The following SHQ1 variants were observed in gnomAD, a reference collection of about 807,000 sequenced individuals.
SHQ1 encodes SHQ1, H/ACA ribonucleoprotein assembly factor.
A neutral mutation model predicts 53.8 loss-of-function variants in SHQ1; 49 were observed. The observed-to-expected ratio is 0.91, with a 90% CI of 0.72 to 1.16. The LOEUF is 1.16. Ranked by LOEUF, SHQ1 falls within the 50% of genes most tolerant of loss-of-function variation. The probability of loss-of-function intolerance (pLI) is 0.00; values close to 1 mark genes in which losing one functional copy is unlikely to be tolerated. For missense variants in SHQ1, 738 were observed against 683.1 expected (o/e 1.08, Z -0.90); for synonymous variants, 243 against 251.0 (o/e 0.97, Z 0.30).
chr3:72,842,518 C>A, intron 2 of SHQ1, 116 bp from the exon 3 acceptor site: 1 of 905,648 alleles, frequency 1.1e-6, no homozygotes, highest in Non-Finnish European at 1.6e-6. Flanking sequence ...CATTTTAGCC[C>A]AGGAGTTCAA....
chr3:72,833,715 C>A (rs934092618), intron 4 of SHQ1, among the ~76,000 whole-genome samples: 2 of 152,202 alleles, frequency 1.3e-5, no homozygotes, highest in African/African-American at 4.8e-5. Context: ...CAAGCCAAAT[C>A]CTACAGAATA....
At chr3:72,846,315 T>A (rs1575745904) in intron 1 of SHQ1, 14 of 1,378,262 alleles carry the variant, frequency 1.0e-5, no homozygotes, top group African/African-American at 5.8e-5. Flanking sequence ...TTTTTTTTTT[T>A]AGACAGTCTC....
At chr3:72,802,304 C>A (rs1329079233) in intron 9 of SHQ1, among the ~76,000 whole-genome samples, 1 of 152,158 alleles carries the variant, frequency 6.6e-6, no homozygotes, top group Non-Finnish European at 1.5e-5. Context: ...TGGGTCTAGG[C>A]AAGAATAGGT....
chr3:72,813,621 C>T (rs1327544178), intron 8 of SHQ1, among the ~76,000 whole-genome samples: 6 of 151,552 alleles, frequency 4.0e-5, no homozygotes, highest in African/African-American at 1.5e-4. Flanking sequence ...ATTAGCCGGG[C>T]GTGGTGGCAG....
chr3:72,829,364 AAT>A (rs1475151442), intron 5 of SHQ1, among the ~76,000 whole-genome samples: 1 of 152,234 alleles, frequency 6.6e-6, no homozygotes, highest in Non-Finnish European at 1.5e-5. Context: ...TTACAATAAA[AAT>A]AGTGTCTACT....
intron 10 of SHQ1, among the ~76,000 whole-genome samples, chr3:72,767,170 TA>T (rs1303262685): frequency 6.6e-6 from 1 of 152,218 alleles, no homozygotes; most frequent in Non-Finnish European, 1.5e-5. Flanking sequence ...ATTGCTTTCA[TA>T]TGTACGAACC....
intron 4 of SHQ1, among the ~76,000 whole-genome samples, chr3:72,834,112 T>G (rs1199355532): frequency 6.6e-6 from 1 of 152,206 alleles, no homozygotes; most frequent in Non-Finnish European, 1.5e-5. Context: ...AATCAAAATT[T>G]CCATATAATA....
intron 9 of SHQ1, 152 bp downstream of exon 9, chr3:72,812,519 T>C (rs1486295673): frequency 7.8e-6 from 6 of 771,780 alleles, no homozygotes; most frequent in African/African-American, 5.3e-5. Flanking sequence ...ATATGTCTTA[T>C]ACACAGGAAT....
chr3:72,814,791 A>C (rs1365773755), intron 8 of SHQ1, among the ~76,000 whole-genome samples: 5 of 152,134 alleles, frequency 3.3e-5, no homozygotes, highest in Admixed American at 3.3e-4. Flanking sequence ...TACTATACTA[A>C]AAGAGTTATC....
chr3:72,817,164 T>G, intron 7 of SHQ1, 66 bp downstream of exon 7: 1 of 1,510,994 alleles, frequency 6.6e-7, no homozygotes, highest in Admixed American at 2.0e-5. Flanking sequence ...CAAGAAAGAC[T>G]GATGCTTTAA....
intron 6 of SHQ1, 56 bp downstream of exon 6, chr3:72,824,368 G>A (rs1054574442): frequency 1.3e-5 from 21 of 1,593,308 alleles, no homozygotes; most frequent in South Asian, 1.0e-4. Context: ...GGCAGTAAAC[G>A]TGGTACACCA....
intron 10 of SHQ1, among the ~76,000 whole-genome samples, chr3:72,789,081 TAA>T (rs1205170855): frequency 4.2e-4 from 26 of 61,684 alleles, no homozygotes; most frequent in Middle Eastern, 0.01. Flanking sequence ...CAATAAACAC[TAA>T]AAAAAAAAAA....
chr3:72,784,276 T>A (rs1421031246), intron 10 of SHQ1, among the ~76,000 whole-genome samples: 1 of 152,224 alleles, frequency 6.6e-6, no homozygotes, highest in African/African-American at 2.4e-5. Context: ...CATATCTTTA[T>A]AAAAGGTTAT....
intron 3 of SHQ1, 45 bp from the exon 4 acceptor site, chr3:72,841,244 T>C (rs773925002): frequency 6.7e-7 from 1 of 1,490,922 alleles, no homozygotes; most frequent in Non-Finnish European, 9.1e-7. Flanking sequence ...TGGATTTAAG[T>C]ACAACTAGGG....
chr3:72,841,014 T>G, intron 4 of SHQ1, 31 bp downstream of exon 4: 1 of 1,578,342 alleles, frequency 6.3e-7, no homozygotes, highest in South Asian at 1.2e-5. Flanking sequence ...AAAAACCCTA[T>G]AGATCAAGAT....
rs186828754 is a variant in SHQ1 at position 72,847,691 on chromosome 3, G to A, written c.143+507C>T. On this transcript the variant is annotated intron_variant, in intron 1 of 10. Transcript: ENST00000325599. The stretch of plus-strand genomic sequence containing the variant: ...GAAGCAGGAGAACTAGGCTAATTTG[G>A]TGTCAAGAGGTCCAAAAAAGGTAAG... Among the ~76,000 whole-genome samples the A allele has an allele frequency of 1.6e-3, 250 of 152,232 alleles. 1 individual carries two copies. Among genetic ancestry groups the A allele is most frequent in the African/African-American group, 5.8e-3 (240 of 41,526 alleles).
At chr3:72,742,199 T>TAA in the SHQ1 span, among the ~76,000 whole-genome samples, 41 of 124,200 alleles carry the variant, frequency 3.3e-4, no homozygotes, top group African/African-American at 8.7e-4. Context: ...CCCTATCTCT[T>TAA]AAAAAAAAAA....
intron 9 of SHQ1, among the ~76,000 whole-genome samples, chr3:72,798,350 G>A (rs183294917): frequency 3.9e-5 from 6 of 152,288 alleles, no homozygotes; most frequent in African/African-American, 9.6e-5. Context: ...AGAATGACTC[G>A]AAGACCAAGA....
At chr3:72,792,615 G>A (rs971252141) in intron 10 of SHQ1, among the ~76,000 whole-genome samples, 4 of 151,864 alleles carry the variant, frequency 2.6e-5, no homozygotes, top group South Asian at 2.1e-4. Context: ...GTGAAACCCC[G>A]TCTCTACTAA....
Sources: allele counts gnomAD v4.1 joint callset (sites outside exome capture counted in the v4.1 genomes callset), GRCh38; gene constraint gnomAD v4.1.1; transcripts MANE v1.5; gene names NCBI Gene and HGNC (gene_info 2026-07-23, HGNC 2026-07-21).